The following HIPK2 variants were observed in gnomAD, a reference collection of about 807,000 sequenced individuals.
The protein encoded by HIPK2 is homeodomain interacting protein kinase 2.
In HIPK2, 27 loss-of-function variants were observed where a neutral mutation model predicts 113.7. The observed-to-expected ratio is 0.24, with a 90% confidence interval of 0.17 to 0.33. The LOEUF (loss-of-function observed/expected upper bound fraction) is 0.33, where lower values mean the gene tolerates loss of function less well. HIPK2 is among the 10% of genes least tolerant of loss of function. The pLI, the probability that HIPK2 is intolerant of heterozygous loss-of-function variation, is 1.00. For synonymous variants in HIPK2, 631 were observed against 642.2 expected (o/e 0.98, Z 0.26); for missense variants, 1,257 against 1,588.0 (o/e 0.79, Z 3.54).
intron 1 of HIPK2, among the ~76,000 whole-genome samples, chr7:139,768,672 G>A (rs1796592937): frequency 6.6e-6 from 1 of 152,184 alleles, no homozygotes; most frequent in Non-Finnish European, 1.5e-5. Context: ...GGGGCTCAGT[G>A]TAGCACTGTG....
Position 139,575,261 on chromosome 7 carries a change from T to G in HIPK2, c.2993A>C (p.Tyr998Ser), listed in dbSNP as rs769902193. The G allele has an allele frequency of 1.3e-6, 2 of 1,575,844 alleles. No individual in the cohort carries two copies. Among genetic ancestry groups the G allele is most frequent in the South Asian group, 1.2e-5 (1 of 85,596 alleles). Residue 998 changes from tyrosine to serine, a missense_variant, in exon 14 of 15, where the codon TAC (tyrosine) becomes TCC (serine). By Grantham distance (144) the Tyr-to-Ser change is moderately radical. This residue lies in a region of HIPK2 where 862 missense variants were observed against 1,004.3 expected (regional missense o/e 0.86). Coordinates refer to ENST00000406875, the MANE Select transcript of HIPK2 (RefSeq NM_022740.5). ...CACGTTGCTGGAGGACTTGGACTTG[T>G]AGGAGGACGAGTGGTGACTGGTGTT... Reference protein sequence around the residue: ...PVNTSHHSSSYKSKSSSNVTS... With the variant: ...PVNTSHHSSSSKSKSSSNVTS...
chr7:139,772,041 C>G (rs1449078231), intron 1 of HIPK2, among the ~76,000 whole-genome samples: 2 of 152,204 alleles, frequency 1.3e-5, no homozygotes, highest in East Asian at 3.8e-4. Context: ...CTGACAATTT[C>G]AAGTCACAGA....
intron 2 of HIPK2, among the ~76,000 whole-genome samples, chr7:139,666,831 G>A (rs9801234): frequency 0.21 from 32,332 of 152,132 alleles, 3,787 homozygotes; most frequent in East Asian, 0.41. Flanking sequence ...GGGAGGCCGA[G>A]GCAGGTAGAC....
rs1371438093 is a variant in HIPK2 at position 139,631,334 on chromosome 7, T to C, written c.1228-50A>G. ...TCAGGGCTTTTCCTGTCACTATACA[T>C]ATGGTATACTAATGGCTCTGCTGGC... is the stretch of plus-strand genomic sequence containing the variant. On this transcript the variant is annotated intron_variant, in intron 3 of 14. Transcript: ENST00000406875. This position sits in a 1 kb window ranked among gnomAD's most constrained non-coding sequence, Gnocchi z 4.9. 1 of 1,567,386 alleles carries C rather than the reference T, an allele frequency of 6.4e-7. No homozygotes were observed. The highest frequency in any genetic ancestry group is 1.2e-5 in the South Asian group (1 of 85,324).
chr7:139,756,367 G>C lies in HIPK2; in HGVS notation c.19+21238C>G, dbSNP rs138978311. Among the ~76,000 whole-genome samples, 1,098 of 152,204 alleles carry C rather than the reference G, an allele frequency of 7.2e-3. 15 individuals carry two copies. The highest frequency in any genetic ancestry group is 0.025 in the African/African-American group (1,031 of 41,514). ...TTTCCTAAAAAGTATATGTATTTCAGCTGTGTTCTCTCTCACTCTTTTTAA... is the reference window on the plus strand; with the variant it reads ...TTTCCTAAAAAGTATATGTATTTCACCTGTGTTCTCTCTCACTCTTTTTAA... On this transcript the variant is annotated intron_variant, in intron 1 of 14. Transcript: ENST00000406875.
chr7:139,767,235 T>A (rs755201618), intron 1 of HIPK2, among the ~76,000 whole-genome samples: 15 of 152,162 alleles, frequency 9.9e-5, no homozygotes, highest in Non-Finnish European at 1.6e-4. Flanking sequence ...ACTCTGGGGG[T>A]GAAACCCAGC....
chr7:139,600,556 G>C lies in HIPK2; in HGVS notation c.2296C>G (p.Gln766Glu). The C allele has an allele frequency of 6.2e-7, 1 of 1,613,992 alleles. No homozygotes were observed. Among genetic ancestry groups the C allele is most frequent in the Non-Finnish European group, 8.5e-7 (1 of 1,179,876 alleles). ...AHGSHYNPIM[Q>E]QPALLTGHVT... ...TGACCGGTCAATAGTGCAGGCTGCTGCATGATGGGATTATAATGGCTTCCG... is the reference window on the plus strand; with the variant it reads ...TGACCGGTCAATAGTGCAGGCTGCTCCATGATGGGATTATAATGGCTTCCG... Residue 766 changes from glutamine to glutamate, a missense_variant, in exon 11 of 15, where the codon CAG becomes GAG. By Grantham distance (29) the Gln-to-Glu change is conservative (BLOSUM62 2). This residue lies in a region of HIPK2 where 862 missense variants were observed against 1,004.3 expected (regional missense o/e 0.86). Transcript: ENST00000406875.
intron 9 of HIPK2, among the ~76,000 whole-genome samples, chr7:139,605,423 A>G (rs1034210422): frequency 7.2e-5 from 11 of 152,212 alleles, no homozygotes; most frequent in Non-Finnish European, 1.2e-4. Flanking sequence ...AAGGTTTGAT[A>G]TCTTAGCCAT....
At chr7:139,776,742 A>G (rs1002502389) in intron 1 of HIPK2, among the ~76,000 whole-genome samples, 5 of 152,230 alleles carry the variant, frequency 3.3e-5, no homozygotes, top group African/African-American at 1.2e-4. Flanking sequence ...CTACAAGCAC[A>G]CAAAAACACA....
chr7:139,657,849 G>A (rs552594612), intron 2 of HIPK2, among the ~76,000 whole-genome samples: 6 of 152,168 alleles, frequency 3.9e-5, no homozygotes, highest in Non-Finnish European at 7.3e-5. Flanking sequence ...AAGTGCTCAC[G>A]AAAACACAAC....
rs1585219993 is a variant in HIPK2 at position 139,570,735 on chromosome 7, G to A, written c.*2192C>T. On this transcript the variant is annotated 3_prime_UTR_variant, in exon 15 of 15. Transcript: ENST00000406875. ...GAGACTGCACAGTGAGGAAGTAAAG[G>A]GAGGGAGGATGAGGATGGGGCCGCT... is the stretch of plus-strand genomic sequence containing the variant. 1 of 152,574 alleles carries A rather than the reference G, an allele frequency of 6.6e-6. No individual in the cohort carries two copies. Among genetic ancestry groups the A allele is most frequent in the Non-Finnish European group, 1.5e-5 (1 of 68,072 alleles). 9.5% of individuals were successfully genotyped at this position (152,574 alleles called of 1,614,324 possible).
At chr7:139,678,813 T>G (rs1802599227) in intron 2 of HIPK2, among the ~76,000 whole-genome samples, 1 of 152,270 alleles carries the variant, frequency 6.6e-6, no homozygotes, top group Admixed American at 6.5e-5. Context: ...TTCTTCCATT[T>G]GTTTGTATCC....
At chr7:139,676,190 G>C (rs137962324) in intron 2 of HIPK2, among the ~76,000 whole-genome samples, 1 of 152,208 alleles carries the variant, frequency 6.6e-6, no homozygotes. Context: ...CCTCTCTGCT[G>C]CATCTACTCA....
At chr7:139,715,067 G>A (rs929548144) in intron 2 of HIPK2, among the ~76,000 whole-genome samples, 2 of 152,148 alleles carry the variant, frequency 1.3e-5, no homozygotes, top group East Asian at 1.9e-4. Context: ...GCTCCATGTC[G>A]GCAGCGGTTC....
chr7:139,702,375 C>T (rs1289263479), intron 2 of HIPK2, among the ~76,000 whole-genome samples: 1 of 152,198 alleles, frequency 6.6e-6, no homozygotes, highest in Non-Finnish European at 1.5e-5. Context: ...CTGAGCCCAG[C>T]ATGTGGCCTT....
intron 13 of HIPK2, among the ~76,000 whole-genome samples, chr7:139,583,063 A>G (rs1401777259): frequency 6.6e-6 from 1 of 152,100 alleles, no homozygotes; most frequent in Non-Finnish European, 1.5e-5. Context: ...TTATGCCGCC[A>G]CGCAGGTGCA....
intron 2 of HIPK2, among the ~76,000 whole-genome samples, chr7:139,655,109 G>C (rs1263022856): frequency 6.6e-6 from 1 of 152,152 alleles, no homozygotes; most frequent in Admixed American, 6.5e-5. Flanking sequence ...AGTGTCCCTA[G>C]GAATTAGGGT....
Position 139,671,391 on chromosome 7 carries a change from G to A in HIPK2, c.1104-39666C>T, listed in dbSNP as rs149835189. Among the ~76,000 whole-genome samples the A allele has an allele frequency of 2.5e-4, 38 of 152,248 alleles. No individual in the cohort carries two copies. The East Asian group carries it at 4.4e-3, about 18-fold the overall frequency. On this transcript the variant is annotated intron_variant, in intron 2 of 14. Coordinates refer to ENST00000406875, the MANE Select transcript of HIPK2 (RefSeq NM_022740.5). Reference sequence around the variant, plus strand: ...GACTTACTTAAAAAGAACTTCTAGCGTGACATTTTTTCTAACATTGTAATT... The same window carrying A: ...GACTTACTTAAAAAGAACTTCTAGCATGACATTTTTTCTAACATTGTAATT...
In HIPK2 at chr7:139,717,032, A is replaced by G. The variant is rs764093749; in HGVS notation, c.20-17T>C. 4 of 1,597,598 alleles carry G rather than the reference A, an allele frequency of 2.5e-6. No individual in the cohort carries two copies. The highest frequency in any genetic ancestry group is 3.4e-6 in the Non-Finnish European group (4 of 1,168,992). On this transcript the variant is annotated splice_polypyrimidine_tract_variant and intron_variant, in intron 1 of 14. Coordinates refer to ENST00000406875, the MANE Select transcript of HIPK2 (RefSeq NM_022740.5). ...AGGCCATACCTACAAGGAAAGGAAAACGAAAAGTAAGTATCGGAGTCACCT... is the reference window on the plus strand; with the variant it reads ...AGGCCATACCTACAAGGAAAGGAAAGCGAAAAGTAAGTATCGGAGTCACCT...
Sources: gnomAD v4.1 joint callset for allele counts (sites outside exome capture counted in the v4.1 genomes callset) on GRCh38, gnomAD v4.1.1 for gene constraint, gnomAD v4.1.1 regional missense constraint, Gnocchi (gnomAD v3.1) non-coding constraint, MANE v1.5 for transcripts, NCBI Gene and HGNC (gene_info 2026-07-23, HGNC 2026-07-21) for gene names.